Variants in SCRN3 observed in about 807,000 individuals in gnomAD.
SCRN3 encodes the protein secernin 3.
Under a neutral mutation model 43.1 loss-of-function variants are expected in SCRN3, and 39 were observed. The observed-to-expected ratio is 0.91, with a 90% confidence interval of 0.70 to 1.18. The LOEUF (loss-of-function observed/expected upper bound fraction) is 1.18. Ranked by LOEUF, SCRN3 falls within the 50% of genes most tolerant of loss-of-function variation. The pLI, the probability that SCRN3 is intolerant of heterozygous loss-of-function variation, is 0.00. For missense variants in SCRN3, 484 were observed against 498.0 expected (o/e 0.97, Z 0.27); for synonymous variants, 147 against 163.1 (o/e 0.90, Z 0.75).
At chr2:174,400,553 C>T (rs917402576) in intron 3 of SCRN3, among the ~76,000 whole-genome samples, 1 of 152,192 alleles carries the variant, frequency 6.6e-6, no homozygotes, top group Non-Finnish European at 1.5e-5. Flanking sequence ...CCTGCCTCAG[C>T]TCCTGAGTAA....
intron 1 of SCRN3, chr2:174,396,104 A>G: frequency 9.5e-7 from 1 of 1,056,376 alleles, no homozygotes; most frequent in Non-Finnish European, 1.2e-6. Context: ...CCCTAACCGT[A>G]GTATGCTTGC....
chr2:174,398,363 C>A lies in SCRN3; in HGVS notation c.80C>A (p.Ser27Ter). Reference sequence around the variant, plus strand: ...AACAGGATTATTTTTGGAAAAAATTCAGATAGACTCTATGATGAAGTACAA... The same window carrying A: ...AACAGGATTATTTTTGGAAAAAATTAAGATAGACTCTATGATGAAGTACAA... ...VDNRIIFGKN[S>*]DRLYDEVQEV... The change falls in exon 2 of 8, where the codon TCA becomes TAA. Residue 27 changes from serine to a stop codon, truncating the protein, a stop_gained. Transcript: ENST00000272732. LOFTEE classifies it high-confidence loss of function. 2 of 1,608,388 alleles carry A rather than the reference C, an allele frequency of 1.2e-6. No individual in the cohort carries two copies. The highest frequency in any genetic ancestry group is 2.2e-5 in the East Asian group (1 of 44,556).
chr2:174,403,223 G>A (rs1475367192), intron 4 of SCRN3, among the ~76,000 whole-genome samples: 2 of 151,722 alleles, frequency 1.3e-5, no homozygotes. Context: ...ACCCCAAAGA[G>A]ATTTTACTAC....
chr2:174,426,216 T>C (rs1686475962), intron 7 of SCRN3, among the ~76,000 whole-genome samples: 1 of 152,222 alleles, frequency 6.6e-6, no homozygotes, highest in African/African-American at 2.4e-5. Context: ...ACTTCTAGCA[T>C]ATATATGTTT....
chr2:174,409,324 A>G (rs1222258459), intron 5 of SCRN3, among the ~76,000 whole-genome samples: 2 of 143,966 alleles, frequency 1.4e-5, no homozygotes, highest in East Asian at 2.0e-4. Context: ...TCCTTTACGC[A>G]CTTCTCTGTA....
chr2:174,401,110 C>A lies in SCRN3; in HGVS notation c.462C>A (p.Asn154Lys), dbSNP rs1488445458. The A allele has an allele frequency of 6.2e-7, 1 of 1,613,878 alleles. No individual in the cohort carries two copies. The highest frequency in any genetic ancestry group is 8.5e-7 in the Non-Finnish European group (1 of 1,179,850). ...TEGRMVFSYH[N>K]SFLIADRNEA... ...GTAGAATGGTATTTAGCTATCACAA[C>A]AGTTTCCTGATAGCTGATAGGAATG... Residue 154 changes from asparagine to lysine, a missense_variant, in exon 4 of 8, where the codon AAC becomes AAA. Physicochemically the swap from Asn to Lys is moderately conservative, Grantham distance 94. Coordinates refer to ENST00000272732, the MANE Select transcript of SCRN3 (RefSeq NM_024583.5).
In SCRN3 at chr2:174,395,777, T is replaced by G; in HGVS notation, c.-50T>G. ...AACTGATGCCTCCACTGGCCACTCC[T>G]CCCTCCGTCCACCTGTCACTTCGGG... On this transcript the variant is annotated 5_prime_UTR_variant, in exon 1 of 8. Transcript: ENST00000272732. 6.4e-7 allele frequency: 1 copy of G among 1,568,406 alleles called. No homozygotes were observed. Among genetic ancestry groups the G allele is most frequent in the Non-Finnish European group, 8.7e-7 (1 of 1,155,770 alleles).
chr2:174,419,109 C>T (rs1464057023), intron 5 of SCRN3, among the ~76,000 whole-genome samples: 1 of 152,132 alleles, frequency 6.6e-6, no homozygotes, highest in Non-Finnish European at 1.5e-5. Flanking sequence ...TGGATACAGG[C>T]TTGCTGTGAG....
chr2:174,397,130 C>T (rs1294947130), intron 1 of SCRN3: 2 of 979,752 alleles, frequency 2.0e-6, no homozygotes, highest in African/African-American at 1.8e-5. Flanking sequence ...TCAGACTTCT[C>T]GTCACTGAGG....
chr2:174,414,962 C>T (rs181361463), intron 5 of SCRN3, among the ~76,000 whole-genome samples: 263 of 152,108 alleles, frequency 1.7e-3, no homozygotes, highest in Middle Eastern at 3.4e-3. Context: ...TGGGTTTCAC[C>T]GTGTTGGCCA....
In SCRN3 at chr2:174,398,276, TAAAAA is replaced by T. The variant is rs571071691; in HGVS notation, c.-4_1del. ...TTAAAACATCTGTATAATTTTTAGT[TAAAAA>T]AAATGGAACCTTTTTCCTGTGACAC... On this transcript the variant is annotated splice_region_variant and 5_prime_UTR_variant, in exon 2 of 8. Coordinates refer to ENST00000272732, the MANE Select transcript of SCRN3 (RefSeq NM_024583.5). 6.5e-7 allele frequency: 1 copy of T among 1,541,482 alleles called. No individual in the cohort carries two copies. Among genetic ancestry groups the T allele is most frequent in the Non-Finnish European group, 8.7e-7 (1 of 1,146,086 alleles).
chr2:174,424,420 C>T (rs2105628805), intron 6 of SCRN3, 55 bp from the exon 7 acceptor site: 6 of 1,246,754 alleles, frequency 4.8e-6, no homozygotes, highest in Non-Finnish European at 5.6e-6. Flanking sequence ...CTTAGACTAA[C>T]ACTGAATATT....
chr2:174,398,618 G>A (rs1685406143), intron 2 of SCRN3, among the ~76,000 whole-genome samples, 176 bp downstream of exon 2: 1 of 152,160 alleles, frequency 6.6e-6, no homozygotes, highest in Non-Finnish European at 1.5e-5. Context: ...GGAGGACGTT[G>A]AAATAACAAT....
intron 4 of SCRN3, among the ~76,000 whole-genome samples, chr2:174,403,613 A>G (rs1394563937): frequency 6.6e-6 from 1 of 152,220 alleles, no homozygotes; most frequent in Non-Finnish European, 1.5e-5. Context: ...AAGCTTACAT[A>G]TTATTCCATT....
At chr2:174,426,737 AC>A (rs1329167376) in intron 7 of SCRN3, among the ~76,000 whole-genome samples, 1 of 151,794 alleles carries the variant, frequency 6.6e-6, no homozygotes, top group Admixed American at 6.6e-5. Context: ...GTGCTATTGC[AC>A]TTTAGCCTGG....
chr2:174,428,376 T>G lies in SCRN3; in HGVS notation c.*481T>G, dbSNP rs2105641023. The G allele has an allele frequency of 6.5e-6, 1 of 152,728 alleles. No homozygotes were observed. The highest frequency in any genetic ancestry group is 1.5e-5 in the Non-Finnish European group (1 of 68,032). 9.5% of individuals were successfully genotyped at this position (152,728 alleles called of 1,614,324 possible). On this transcript the variant is annotated 3_prime_UTR_variant, in exon 8 of 8. Transcript: ENST00000272732. ...CATTAACCAGCTCTAACAAGAAAAA[T>G]GTCTAGATTTACACATTGTCAATAC...
chr2:174,422,103 A>ACTATAT (rs2105621495), intron 5 of SCRN3, among the ~76,000 whole-genome samples: 1 of 152,294 alleles, frequency 6.6e-6, no homozygotes, highest in East Asian at 1.9e-4. Flanking sequence ...ATCATCAGTA[A>ACTATAT]CTATATTATA....
At chr2:174,426,399 C>T (rs1208938812) in intron 7 of SCRN3, among the ~76,000 whole-genome samples, 1 of 152,142 alleles carries the variant, frequency 6.6e-6, no homozygotes, top group Non-Finnish European at 1.5e-5. Context: ...AAAAAAGCTG[C>T]ATACAATTTC....
intron 7 of SCRN3, 148 bp from the exon 8 acceptor site, chr2:174,427,565 C>T: frequency 2.3e-6 from 1 of 436,546 alleles, no homozygotes; most frequent in Non-Finnish European, 4.1e-6. Context: ...AATTTCATTT[C>T]ATTCTTTCTG....
Sources: gnomAD v4.1 joint callset for allele counts (sites outside exome capture counted in the v4.1 genomes callset) on GRCh38, gnomAD v4.1.1 for gene constraint, MANE v1.5 for transcripts, NCBI Gene and HGNC (gene_info 2026-07-23, HGNC 2026-07-21) for gene names.